Variants in HPSE2 observed in about 807,000 individuals in gnomAD.
HPSE2 encodes the protein heparanase 2 (inactive).
A neutral mutation model predicts 60.5 loss-of-function variants in HPSE2; 38 were observed. That is an observed-to-expected ratio of 0.63 (90% confidence interval 0.48 to 0.82). The LOEUF is 0.82. Among genes scored for constraint, HPSE2 ranks in the 40% least tolerant of loss-of-function variants. The pLI is 0.00. For synonymous variants in HPSE2, 295 were observed against 293.2 expected, an observed-to-expected ratio of 1.01 and a Z score of -0.06; for missense variants, 713 against 740.4, an observed-to-expected ratio of 0.96 and a Z score of 0.43.
chr10:99,120,925 A>C (rs537990806), intron 3 of HPSE2, among the ~76,000 whole-genome samples: 2 of 152,224 alleles, frequency 1.3e-5, no homozygotes, highest in African/African-American at 4.8e-5. Flanking sequence ...TAAAAACAGA[A>C]CTACCATTCA....
intron 3 of HPSE2, among the ~76,000 whole-genome samples, chr10:99,044,699 A>AG (rs397730821): frequency 6.6e-6 from 1 of 151,800 alleles, no homozygotes; most frequent in Non-Finnish European, 1.5e-5. Context: ...AACAAAAAAA[A>AG]TAGCAGGAAT....
At chr10:99,068,279 C>T (rs1044411295) in intron 3 of HPSE2, among the ~76,000 whole-genome samples, 3 of 152,194 alleles carry the variant, frequency 2.0e-5, no homozygotes, top group Non-Finnish European at 4.4e-5. Context: ...CGCCCCACTA[C>T]TCGGTACCAA....
intron 3 of HPSE2, among the ~76,000 whole-genome samples, chr10:98,869,089 T>A (rs1336535463): frequency 6.6e-6 from 1 of 152,082 alleles, no homozygotes; most frequent in Non-Finnish European, 1.5e-5. Context: ...GAGTCATCTA[T>A]TTATTTCAAA....
chr10:98,743,925 T>C lies in HPSE2; in HGVS notation c.742A>G (p.Ser248Gly). ...SSSALSLLKY[S>G]ASKKYNISWE... ...GAAATGTTGTACTTTTTGCTGGCGC[T>C]GTACTTCAACAGACTCAGGGCACTA... The change falls in exon 4 of 12, where the codon AGC becomes GGC. Residue 248 changes from serine to glycine, a missense_variant. Ser to Gly is a moderately conservative substitution (Grantham distance 56, BLOSUM62 0). Coordinates refer to ENST00000370552, the MANE Select transcript of HPSE2 (RefSeq NM_021828.5). The C allele has an allele frequency of 3.7e-6, 6 of 1,614,118 alleles. No homozygotes were observed. In the South Asian group the frequency reaches 5.5e-5, roughly 15 times the overall value.
intron 3 of HPSE2, among the ~76,000 whole-genome samples, chr10:98,854,102 G>C (rs1952248793): frequency 6.6e-6 from 1 of 152,230 alleles, no homozygotes; most frequent in South Asian, 2.1e-4. Context: ...AAGATCTACA[G>C]TTAAGAATGA....
At chr10:98,638,958 AT>A (rs1345463120) in intron 7 of HPSE2, among the ~76,000 whole-genome samples, 2 of 152,232 alleles carry the variant, frequency 1.3e-5, no homozygotes, top group Non-Finnish European at 2.9e-5. Flanking sequence ...TTTTCCAAAA[AT>A]GACTGCAAAA....
intron 3 of HPSE2, among the ~76,000 whole-genome samples, chr10:98,963,044 C>T (rs903125502): frequency 2.6e-5 from 4 of 152,134 alleles, no homozygotes; most frequent in African/African-American, 9.7e-5. Context: ...TCCATCCCAC[C>T]TGTGGAATAG....
At chr10:98,533,272 T>A (rs4917840) in intron 9 of HPSE2, among the ~76,000 whole-genome samples, 42,270 of 152,094 alleles carry the variant, frequency 0.28, 6,283 homozygotes, top group East Asian at 0.48. Flanking sequence ...AATTTGAGGC[T>A]CAAACAGCGT....
At chr10:98,915,640 G>A (rs1355955151) in intron 3 of HPSE2, among the ~76,000 whole-genome samples, 1 of 152,104 alleles carries the variant, frequency 6.6e-6, no homozygotes, top group Non-Finnish European at 1.5e-5. Context: ...CACTTCACAT[G>A]CCCCAGTCTC....
intron 9 of HPSE2, among the ~76,000 whole-genome samples, chr10:98,599,581 A>G (rs1945341566): frequency 6.6e-6 from 1 of 152,162 alleles, no homozygotes; most frequent in Admixed American, 6.5e-5. Context: ...TATTGGGTAC[A>G]GTCCTGGTGT....
intron 6 of HPSE2, among the ~76,000 whole-genome samples, chr10:98,649,713 C>T (rs1211812260): frequency 6.6e-6 from 1 of 152,120 alleles, no homozygotes; most frequent in African/African-American, 2.4e-5. Context: ...AAACTCTATT[C>T]TTTTCTTTGC....
At chr10:98,628,973 T>C (rs1053555916) in intron 7 of HPSE2, among the ~76,000 whole-genome samples, 2 of 152,190 alleles carry the variant, frequency 1.3e-5, no homozygotes, top group Non-Finnish European at 2.9e-5. Context: ...ATTTTCAAAT[T>C]TGGGCTTCCT....
intron 9 of HPSE2, among the ~76,000 whole-genome samples, chr10:98,514,870 C>T (rs1942545329): frequency 6.6e-6 from 1 of 151,796 alleles, no homozygotes; most frequent in African/African-American, 2.4e-5. Context: ...AGGCACCCAC[C>T]ACCACACCCG....
intron 3 of HPSE2, among the ~76,000 whole-genome samples, chr10:98,770,721 C>T (rs545383037): frequency 1.3e-5 from 2 of 152,258 alleles, no homozygotes; most frequent in Admixed American, 1.3e-4. Context: ...TTCCTCCCTG[C>T]TTCCAATCAA....
intron 3 of HPSE2, among the ~76,000 whole-genome samples, chr10:99,130,541 T>C (rs564279503): frequency 6.6e-6 from 1 of 152,278 alleles, no homozygotes; most frequent in African/African-American, 2.4e-5. Context: ...AAGAGTCCTT[T>C]ATTAGCCAGC....
At chr10:98,735,819 T>C (rs987408228) in intron 4 of HPSE2, among the ~76,000 whole-genome samples, 1 of 152,208 alleles carries the variant, frequency 6.6e-6, no homozygotes, top group East Asian at 1.9e-4. Context: ...TGTTCTACCA[T>C]TTATCTAGGA....
At chr10:98,793,265 T>C (rs1201824302) in intron 3 of HPSE2, among the ~76,000 whole-genome samples, 2 of 152,264 alleles carry the variant, frequency 1.3e-5, no homozygotes, top group African/African-American at 4.8e-5. Context: ...AACCAGTTAC[T>C]GCTACTGTTA....
intron 3 of HPSE2, among the ~76,000 whole-genome samples, chr10:99,090,918 GA>G: frequency 6.6e-6 from 1 of 151,956 alleles, no homozygotes; most frequent in East Asian, 1.9e-4. Context: ...ATTTACTTTT[GA>G]AAACTACTGT....
chr10:98,986,805 G>A (rs1220913245), intron 3 of HPSE2, among the ~76,000 whole-genome samples: 2 of 151,796 alleles, frequency 1.3e-5, no homozygotes, highest in Non-Finnish European at 2.9e-5. Context: ...AAATGATAAA[G>A]GGGATATCAC....
Sources: gnomAD v4.1 joint callset for allele counts (sites outside exome capture counted in the v4.1 genomes callset) on GRCh38, gnomAD v4.1.1 for gene constraint, MANE v1.5 for transcripts, NCBI Gene and HGNC (gene_info 2026-07-23, HGNC 2026-07-21) for gene names.